The following CAST variants were observed in gnomAD, a reference collection of about 807,000 sequenced individuals.
CAST encodes the protein MIR583 host.
Under a neutral mutation model 119.6 loss-of-function variants are expected in CAST, and 76 were observed. The ratio of observed to expected loss-of-function variants is 0.64; its 90% confidence interval spans 0.53 to 0.77. The LOEUF is 0.77. CAST is among the 30% of genes least tolerant of loss of function. The pLI, the probability that CAST is intolerant of heterozygous loss-of-function variation, is 0.00. For synonymous variants in CAST, 319 were observed against 331.6 expected (o/e 0.96, Z 0.41); for missense variants, 953 against 946.5 (o/e 1.01, Z -0.09).
At chr5:96,711,513 A>G (rs1756146524) in intron 3 of CAST, among the ~76,000 whole-genome samples, 1 of 152,340 alleles carries the variant, frequency 6.6e-6, no homozygotes, top group Middle Eastern at 3.4e-3. Flanking sequence ...AGTGATTTAC[A>G]TAAGATTTCA....
the CAST span, among the ~76,000 whole-genome samples, chr5:96,503,297 A>T: frequency 6.6e-6 from 1 of 152,010 alleles, no homozygotes; most frequent in Non-Finnish European, 1.5e-5. Flanking sequence ...TTTTTGCCTC[A>T]GAAGTACTTG....
the CAST span, among the ~76,000 whole-genome samples, chr5:96,226,855 C>T: frequency 6.6e-6 from 1 of 152,128 alleles, no homozygotes; most frequent in Non-Finnish European, 1.5e-5. Flanking sequence ...AAAATAACAG[C>T]ATTTACAATG....
the CAST span, among the ~76,000 whole-genome samples, chr5:96,373,037 TGAAA>T: frequency 3.3e-5 from 5 of 152,232 alleles, no homozygotes; most frequent in Admixed American, 2.0e-4. Context: ...TTCTTTCTAA[TGAAA>T]GAATCCTTAG....
chr5:96,103,605 G>A, the CAST span, among the ~76,000 whole-genome samples: 156 of 151,442 alleles, frequency 1.0e-3, 1 homozygote, highest in South Asian at 0.032. Flanking sequence ...TATCATTGTT[G>A]GACATTTGGG....
At chr5:96,721,320 A>C (rs1396761880) in intron 3 of CAST, among the ~76,000 whole-genome samples, 1 of 152,224 alleles carries the variant, frequency 6.6e-6, no homozygotes, top group African/African-American at 2.4e-5. Context: ...TCTGTCTGTA[A>C]ATTATGATAG....
At chr5:96,305,070 T>G in the CAST span, among the ~76,000 whole-genome samples, 1 of 152,244 alleles carries the variant, frequency 6.6e-6, no homozygotes. Context: ...TATTGATTCT[T>G]CCTATCCATG....
At chr5:96,604,014 C>A (rs1016228769) in intron 1 of CAST, among the ~76,000 whole-genome samples, 3 of 152,150 alleles carry the variant, frequency 2.0e-5, no homozygotes, top group African/African-American at 7.2e-5. Context: ...ATCTTCCCCC[C>A]TCAGCTTCCC....
chr5:95,992,516 G>A, the CAST span, among the ~76,000 whole-genome samples: 2 of 151,536 alleles, frequency 1.3e-5, no homozygotes, highest in Admixed American at 6.6e-5. Flanking sequence ...TACTCTTCAA[G>A]ATTGTTAAGG....
At chr5:96,205,880 A>G in the CAST span, among the ~76,000 whole-genome samples, 1 of 152,056 alleles carries the variant, frequency 6.6e-6, no homozygotes, top group Non-Finnish European at 1.5e-5. Flanking sequence ...CTATTTTTAA[A>G]TACTTTGAGA....
At chr5:96,592,275 C>A (rs1746975354) in intron 1 of CAST, among the ~76,000 whole-genome samples, 1 of 152,062 alleles carries the variant, frequency 6.6e-6, no homozygotes, top group Admixed American at 6.6e-5. Flanking sequence ...GTGATGTGCG[C>A]CTTTGGTCCT....
intron 1 of CAST, among the ~76,000 whole-genome samples, chr5:96,646,486 T>C (rs113007670): frequency 0.013 from 1,936 of 152,354 alleles, 13 homozygotes; most frequent in Non-Finnish European, 0.02. Flanking sequence ...CAAGATGTAT[T>C]GTTAAATGAA....
intron 1 of CAST, among the ~76,000 whole-genome samples, chr5:96,648,639 A>G (rs1276932569): frequency 6.6e-6 from 1 of 152,200 alleles, no homozygotes; most frequent in Admixed American, 6.5e-5. Flanking sequence ...AACAAACGTA[A>G]TAGTTACAAT....
At chr5:96,560,837 C>A (rs1160738035) in intron 1 of CAST, among the ~76,000 whole-genome samples, 1 of 152,140 alleles carries the variant, frequency 6.6e-6, no homozygotes, top group East Asian at 1.9e-4. Flanking sequence ...TTTGACCCAG[C>A]CATCCCATTA....
chr5:96,398,970 A>G, the CAST span: 2 of 1,612,396 alleles, frequency 1.2e-6, no homozygotes. Context: ...ACTTGATAGC[A>G]TTTTCTTGTC....
At chr5:96,048,328 G>C in the CAST span, among the ~76,000 whole-genome samples, 8 of 152,298 alleles carry the variant, frequency 5.3e-5, no homozygotes, top group East Asian at 5.8e-4. Context: ...ATTCAGCTAA[G>C]AGACAATGAT....
upstream of CAST, among the ~76,000 whole-genome samples, chr5:96,658,290 C>G (rs1748191823): frequency 1.3e-5 from 2 of 151,616 alleles, no homozygotes. Context: ...TTTCAAATAA[C>G]CAGCCACTCT....
At chr5:96,502,575 C>A in the CAST span, among the ~76,000 whole-genome samples, 1 of 152,016 alleles carries the variant, frequency 6.6e-6, no homozygotes, top group African/African-American at 2.4e-5. Context: ...TTTCCCCCAT[C>A]CTACTCTGTT....
the CAST span, among the ~76,000 whole-genome samples, chr5:96,514,944 A>G: frequency 1.3e-5 from 2 of 151,994 alleles, no homozygotes; most frequent in Admixed American, 1.3e-4. Flanking sequence ...TAGGGACAGC[A>G]TCTTGCCATG....
the CAST span, among the ~76,000 whole-genome samples, chr5:96,306,369 C>G: frequency 6.6e-6 from 1 of 151,992 alleles, no homozygotes; most frequent in Non-Finnish European, 1.5e-5. Context: ...AGTGGTCTAT[C>G]TATTTTGTTA....
Sources: gnomAD v4.1 joint callset for allele counts (sites outside exome capture counted in the v4.1 genomes callset) on GRCh38, gnomAD v4.1.1 for gene constraint, MANE v1.5 for transcripts, NCBI Gene and HGNC (gene_info 2026-07-23, HGNC 2026-07-21) for gene names.